Variants in MKRN2OS observed in about 807,000 individuals in gnomAD.
The protein encoded by MKRN2OS is MKRN2 opposite strand.
Under a neutral mutation model 18.2 loss-of-function variants are expected in MKRN2OS, and 17 were observed. The ratio of observed to expected loss-of-function variants is 0.93; its 90% confidence interval spans 0.64 to 1.40. The LOEUF (loss-of-function observed/expected upper bound fraction) is 1.40. Among genes scored for constraint, MKRN2OS ranks in the 40% most tolerant of loss-of-function variants. The pLI, the probability that MKRN2OS is intolerant of heterozygous loss-of-function variation, is 0.00. For synonymous variants in MKRN2OS, 121 were observed against 108.5 expected (o/e 1.12, Z -0.72); for missense variants, 337 against 283.0 (o/e 1.19, Z -1.37).
Position 12,539,888 on chromosome 3 carries a change from C to G in MKRN2OS, c.*305G>C. The G allele has an allele frequency of 3.1e-6, 1 of 324,636 alleles. No homozygotes were observed. The highest frequency in any genetic ancestry group is 5.9e-6 in the Non-Finnish European group (1 of 168,790). 20.1% of individuals were successfully genotyped at this position (324,636 alleles called of 1,614,324 possible). ...CCAACCTCCGCCTCCCGGGTTCAAGCGATTCTCCTGCTTCAGCCTCCCTAG... is the reference window on the plus strand; with the variant it reads ...CCAACCTCCGCCTCCCGGGTTCAAGGGATTCTCCTGCTTCAGCCTCCCTAG... On this transcript the variant is annotated 3_prime_UTR_variant, in exon 4 of 4. Coordinates refer to ENST00000564146, the MANE Select transcript of MKRN2OS (RefSeq NM_001195279.2).
Position 12,545,384 on chromosome 3 carries a change from C to T in MKRN2OS, c.81G>A (p.Gln27=). 1 of 1,535,996 alleles carries T rather than the reference C, an allele frequency of 6.5e-7. No homozygotes were observed. The change falls in exon 1 of 4, where the codon CAG becomes CAA. Residue 27 remains glutamine (Q), a synonymous_variant. Coordinates refer to ENST00000564146, the MANE Select transcript of MKRN2OS (RefSeq NM_001195279.2). ...EKYIYSFSVP[Q]CCPLCQQDLG... ...GGTCCTGCTGGCAGAGAGGGCAGCA[C>T]TGGGGCACACTGAAGCTGTAGATGT...
At chr3:12,540,770 G>C (rs897844495) in intron 3 of MKRN2OS, among the ~76,000 whole-genome samples, 1 of 151,558 alleles carries the variant, frequency 6.6e-6, no homozygotes, top group African/African-American at 2.4e-5. Flanking sequence ...TACTTGGGAG[G>C]CTGAGGCAGG....
chr3:12,560,327 A>C (rs1488045638), intron 1 of MKRN2OS, among the ~76,000 whole-genome samples: 3 of 152,038 alleles, frequency 2.0e-5, no homozygotes. Context: ...TCACCACCAC[A>C]CTGTACTTCA....
At chr3:12,555,808 G>A (rs1176704120) in intron 1 of MKRN2OS, among the ~76,000 whole-genome samples, 3 of 152,128 alleles carry the variant, frequency 2.0e-5, no homozygotes, top group Non-Finnish European at 4.4e-5. Context: ...GATCCTTCCG[G>A]CTCAACCTCT....
chr3:12,557,048 G>A, intron 1 of MKRN2OS: 2 of 930,648 alleles, frequency 2.1e-6, no homozygotes, highest in Admixed American at 5.3e-5. Context: ...GGCGTGCGCC[G>A]GCGTGACGCG....
intron 1 of MKRN2OS, among the ~76,000 whole-genome samples, chr3:12,558,806 G>T (rs577328140): frequency 6.6e-6 from 1 of 152,154 alleles, no homozygotes; most frequent in African/African-American, 2.4e-5. Context: ...GTTGAGAAGG[G>T]ATCACTTCTG....
chr3:12,552,978 G>C (rs371621238), downstream of MKRN2OS, among the ~76,000 whole-genome samples: 1 of 144,410 alleles, frequency 6.9e-6, no homozygotes, highest in Admixed American at 7.1e-5. Context: ...ATCACACCAC[G>C]GCACTCCAGC....
At chr3:12,556,886 C>T (rs2057975756) in intron 1 of MKRN2OS, 2 of 385,224 alleles carry the variant, frequency 5.2e-6, no homozygotes, top group Non-Finnish European at 9.2e-6. Context: ...AGATGCCAGC[C>T]AGGCTCCGCC....
chr3:12,554,419 G>A (rs2057950802), intron 1 of MKRN2OS, among the ~76,000 whole-genome samples: 1 of 152,180 alleles, frequency 6.6e-6, no homozygotes, highest in Non-Finnish European at 1.5e-5. Context: ...ACAGCTTGTG[G>A]AAGTGCACAC....
upstream of MKRN2OS, among the ~76,000 whole-genome samples, chr3:12,545,853 CT>C (rs1197922238): frequency 1.3e-5 from 2 of 152,202 alleles, no homozygotes; most frequent in Non-Finnish European, 2.9e-5. Context: ...GTCACCCAAG[CT>C]AGAGTGCAGT....
At chr3:12,542,701 T>C (rs1014461117) in intron 2 of MKRN2OS, among the ~76,000 whole-genome samples, 2 of 131,460 alleles carry the variant, frequency 1.5e-5, no homozygotes, top group East Asian at 4.0e-4. Flanking sequence ...TGTTTAATCT[T>C]CACTTTCCTT....
downstream of MKRN2OS, among the ~76,000 whole-genome samples, chr3:12,552,539 G>A (rs2057937239): frequency 1.3e-5 from 2 of 150,792 alleles, no homozygotes; most frequent in Admixed American, 1.3e-4. Flanking sequence ...AGCCTCCCGA[G>A]TAGCTGGGAT....
chr3:12,540,091 C>A lies in MKRN2OS; in HGVS notation c.*102G>T. The stretch of plus-strand genomic sequence containing the variant: ...TGAGCCACCATGCCCGGCCCATACA[C>A]GCTTTTATTAACCACAGTTAAATGC... On this transcript the variant is annotated 3_prime_UTR_variant, in exon 4 of 4. Transcript: ENST00000564146. 4 of 1,480,536 alleles carry A rather than the reference C, an allele frequency of 2.7e-6. No individual in the cohort carries two copies. Among genetic ancestry groups the A allele is most frequent in the Non-Finnish European group, 2.7e-6 (3 of 1,107,134 alleles). The allele number at this position is 1,480,536 out of a possible 1,614,324, so 91.7% of individuals were successfully genotyped here.
At chr3:12,544,727 C>T (rs774715958) in intron 1 of MKRN2OS, among the ~76,000 whole-genome samples, 34 of 152,076 alleles carry the variant, frequency 2.2e-4, no homozygotes, top group Middle Eastern at 3.2e-3. Context: ...CTAATTCATC[C>T]TTTTTGTTTA....
chr3:12,545,158 C>A (rs1234091397), intron 1 of MKRN2OS, 89 bp downstream of exon 1: 1 of 1,072,266 alleles, frequency 9.3e-7, no homozygotes, highest in Non-Finnish European at 1.3e-6. Flanking sequence ...AAACCTCACA[C>A]ATTATGTATT....
upstream of MKRN2OS, among the ~76,000 whole-genome samples, chr3:12,546,738 C>A (rs1048789549): frequency 1.3e-5 from 2 of 151,830 alleles, no homozygotes; most frequent in Non-Finnish European, 2.9e-5. Context: ...CCACCACACC[C>A]AGCTAATTTT....
upstream of MKRN2OS, among the ~76,000 whole-genome samples, chr3:12,547,959 A>G (rs1349548037): frequency 1.3e-5 from 2 of 152,196 alleles, no homozygotes; most frequent in African/African-American, 4.8e-5. Flanking sequence ...CAGAGAGGTT[A>G]TAGCTAGACA....
At chr3:12,558,475 A>G (rs995552369) in intron 1 of MKRN2OS, among the ~76,000 whole-genome samples, 2 of 152,192 alleles carry the variant, frequency 1.3e-5, no homozygotes, top group African/African-American at 2.4e-5. Flanking sequence ...CCCTCGCTCT[A>G]TGGTTTAATT....
rs769484156 is a variant in MKRN2OS, at chr3:12,545,352, G to A, written c.113C>T (p.Ser38Leu). The part of the protein sequence containing the change: ...CCPLCQQDLG[S>L]RKLEDAPVSI... ...AACAGGTGCGTCCTCCAGCTTCCTC[G>A]AGCCCAGGTCCTGCTGGCAGAGAGG... is the stretch of plus-strand genomic sequence containing the variant. The change falls in exon 1 of 4, where the codon TCG (serine) becomes TTG (leucine). Residue 38 changes from serine to leucine, a missense_variant. Coordinates refer to ENST00000564146, the MANE Select transcript of MKRN2OS (RefSeq NM_001195279.2). 4.0e-5 allele frequency: 62 copies of A among 1,535,932 alleles called. No individual in the cohort carries two copies. The highest frequency in any genetic ancestry group is 4.9e-5 in the Non-Finnish European group (56 of 1,146,910).
Sources: gnomAD v4.1 joint callset for allele counts (sites outside exome capture counted in the v4.1 genomes callset) on GRCh38, gnomAD v4.1.1 for gene constraint, MANE v1.5 for transcripts, NCBI Gene and HGNC (gene_info 2026-07-23, HGNC 2026-07-21) for gene names.